The following MTHFD1L variants were observed in gnomAD, a reference collection of about 807,000 sequenced individuals.
The protein encoded by MTHFD1L is monofunctional C1-tetrahydrofolate synthase, mitochondrial.
MTHFD1L carries 81 observed loss-of-function variants against 119.5 expected under a neutral mutation model. The observed-to-expected ratio is 0.68, with a 90% CI of 0.57 to 0.82. The LOEUF (loss-of-function observed/expected upper bound fraction) is 0.82, where lower values mean the gene tolerates loss of function less well. Ranked by LOEUF, MTHFD1L falls within the 40% of genes least tolerant of loss-of-function variation. The pLI is 0.00. For synonymous variants in MTHFD1L, 430 were observed against 475.2 expected, an observed-to-expected ratio of 0.90 and a Z score of 1.24; for missense variants, 1,125 against 1,253.4, an observed-to-expected ratio of 0.90 and a Z score of 1.55.
intron 8 of MTHFD1L, among the ~76,000 whole-genome samples, chr6:150,914,562 G>A (rs186280910): frequency 1.0e-3 from 157 of 152,196 alleles, no homozygotes; most frequent in African/African-American, 3.6e-3. Context: ...AGGAGGCTGA[G>A]GTGGACGGAT....
At chr6:150,957,642 T>G (rs1319498117) in intron 17 of MTHFD1L, among the ~76,000 whole-genome samples, 1 of 152,142 alleles carries the variant, frequency 6.6e-6, no homozygotes, top group East Asian at 1.9e-4. Context: ...TTGCATATAT[T>G]TGGTCCGCCA....
intron 19 of MTHFD1L, among the ~76,000 whole-genome samples, chr6:150,970,802 G>C (rs1252988994): frequency 6.6e-6 from 1 of 152,206 alleles, no homozygotes; most frequent in African/African-American, 2.4e-5. Flanking sequence ...GTGTGCAAGT[G>C]TGTGTGTACC....
At chr6:150,982,093 T>C (rs1200714824) in intron 20 of MTHFD1L, among the ~76,000 whole-genome samples, 1 of 150,828 alleles carries the variant, frequency 6.6e-6, no homozygotes, top group Non-Finnish European at 1.5e-5. Flanking sequence ...AACCCTGTCT[T>C]GAAAGAAAGA....
chr6:151,021,749 T>C (rs1197582674), intron 24 of MTHFD1L, among the ~76,000 whole-genome samples: 1 of 152,222 alleles, frequency 6.6e-6, no homozygotes, highest in Non-Finnish European at 1.5e-5. Context: ...AAAGCACTAC[T>C]GAACTAAACC....
chr6:150,919,811 A>G (rs1029294959), intron 9 of MTHFD1L, among the ~76,000 whole-genome samples: 2 of 152,146 alleles, frequency 1.3e-5, no homozygotes, highest in Non-Finnish European at 2.9e-5. Flanking sequence ...CACCTCTAAC[A>G]CTGGGGATTA....
Position 151,039,642 on chromosome 6 carries a change from T to G in MTHFD1L, c.2847+2525T>G, listed in dbSNP as rs6921414. ...GTTAGAATGGCCTCAGTCAGCCGGG[T>G]GCGGTGGCTCACGCCTGTAATCCCA... On this transcript the variant is annotated intron_variant, in intron 26 of 27. Transcript: ENST00000367321. This position sits in a 1 kb window ranked among gnomAD's most constrained non-coding sequence, Gnocchi z 4.4. 0.025 allele frequency among the ~76,000 whole-genome samples: 3,733 copies of G among 151,968 alleles called. 143 individuals are homozygous for G. Among genetic ancestry groups the G allele is most frequent in the African/African-American group, 0.084 (3,495 of 41,418 alleles).
chr6:151,055,922 A>G (rs903347595), intron 26 of MTHFD1L: 6 of 152,212 alleles, frequency 3.9e-5, no homozygotes, highest in African/African-American at 7.2e-5. Context: ...GTAGCTTCCA[A>G]TTATCTACTC....
intron 24 of MTHFD1L, among the ~76,000 whole-genome samples, chr6:151,017,515 T>C (rs1466862277): frequency 6.6e-6 from 1 of 151,908 alleles, no homozygotes; most frequent in African/African-American, 2.4e-5. Flanking sequence ...CCCAGCTAAT[T>C]TTTGTATTTT....
rs190147517 is a variant in MTHFD1L at position 151,063,026 on chromosome 6, A to T, written c.2847+25909A>T. 2.1e-3 allele frequency among the ~76,000 whole-genome samples: 320 copies of T among 151,890 alleles called. 1 individual carries two copies. The East Asian group carries it at 0.03, about 14-fold the overall frequency. On this transcript the variant is annotated intron_variant, in intron 26 of 27. Transcript: ENST00000367321. ...TGTGCGCATGTACCCTAGAACTTAAAGTACAATAAAAAAAAAAATTAAAGA... is the reference window on the plus strand; with the variant it reads ...TGTGCGCATGTACCCTAGAACTTAATGTACAATAAAAAAAAAAATTAAAGA...
At chr6:151,028,508 A>G (rs1322984970) in intron 24 of MTHFD1L, among the ~76,000 whole-genome samples, 1 of 152,122 alleles carries the variant, frequency 6.6e-6, no homozygotes, top group Non-Finnish European at 1.5e-5. Flanking sequence ...CTCCTATCAC[A>G]CGGATGAACC....
At chr6:150,878,482 C>T (rs1780843123) in intron 4 of MTHFD1L, among the ~76,000 whole-genome samples, 1 of 152,148 alleles carries the variant, frequency 6.6e-6, no homozygotes, top group Admixed American at 6.5e-5. Flanking sequence ...GAACTCCTGA[C>T]CTCAAGTGAT....
chr6:150,902,040 T>C (rs1785173230), intron 7 of MTHFD1L, among the ~76,000 whole-genome samples: 1 of 152,198 alleles, frequency 6.6e-6, no homozygotes, highest in African/African-American at 2.4e-5. Flanking sequence ...ATATGAACTG[T>C]TTCAAAACAC....
intron 24 of MTHFD1L, among the ~76,000 whole-genome samples, chr6:151,024,332 G>A (rs1004196223): frequency 6.6e-6 from 1 of 152,090 alleles, no homozygotes; most frequent in Non-Finnish European, 1.5e-5. Context: ...TAGAATCGAG[G>A]AGTTCAAGAC....
intron 26 of MTHFD1L, chr6:151,057,287 T>C (rs118182333): frequency 0.029 from 28,411 of 985,294 alleles, 515 homozygotes; most frequent in Admixed American, 0.1. Context: ...CTTTCTGGAA[T>C]GGACATATGG....
At chr6:151,083,488 G>A (rs1381584615) in intron 26 of MTHFD1L, among the ~76,000 whole-genome samples, 1 of 152,140 alleles carries the variant, frequency 6.6e-6, no homozygotes, top group Non-Finnish European at 1.5e-5. Flanking sequence ...GAGCCACAGC[G>A]CCCGGCCACA....
At chr6:150,927,095 T>C (rs1790127285) in intron 11 of MTHFD1L, among the ~76,000 whole-genome samples, 1 of 152,216 alleles carries the variant, frequency 6.6e-6, no homozygotes, top group South Asian at 2.1e-4. Context: ...TGGAATTGAC[T>C]CCTAGGTAAC....
At chr6:150,896,620 G>A (rs1452351462) in intron 7 of MTHFD1L, among the ~76,000 whole-genome samples, 3 of 152,102 alleles carry the variant, frequency 2.0e-5, no homozygotes, top group Non-Finnish European at 4.4e-5. Flanking sequence ...ACAGATTTAG[G>A]GGGTCAGCTC....
chr6:150,867,956 C>A (rs1778711724), intron 1 of MTHFD1L, among the ~76,000 whole-genome samples: 1 of 151,956 alleles, frequency 6.6e-6, no homozygotes, highest in South Asian at 2.1e-4. Flanking sequence ...CGCCACCACG[C>A]CCGGCTAATT....
At chr6:151,069,853 A>G (rs754559372) in intron 26 of MTHFD1L, among the ~76,000 whole-genome samples, 4 of 152,232 alleles carry the variant, frequency 2.6e-5, no homozygotes, top group Non-Finnish European at 5.9e-5. Context: ...TCCCTCAACG[A>G]GTCCCAGTGA....
Sources: allele counts gnomAD v4.1 joint callset (sites outside exome capture counted in the v4.1 genomes callset), GRCh38; gene constraint gnomAD v4.1.1; non-coding constraint Gnocchi (gnomAD v3.1); transcripts MANE v1.5; gene names NCBI Gene and HGNC (gene_info 2026-07-23, HGNC 2026-07-21).